PDE12: variants seen among roughly 807,000 people sequenced by gnomAD.
The protein encoded by PDE12 is 2',5'-phosphodiesterase 12.
Under a neutral mutation model 45.4 loss-of-function variants are expected in PDE12, and 26 were observed. The ratio of observed to expected loss-of-function variants is 0.57; its 90% CI spans 0.42 to 0.79. PDE12 has a LOEUF of 0.79. Among genes scored for constraint, PDE12 ranks in the 30% least tolerant of loss-of-function variants. The probability of loss-of-function intolerance (pLI) is 0.00; values close to 1 mark genes in which losing one functional copy is unlikely to be tolerated. For missense variants in PDE12, 668 were observed against 790.0 expected (o/e 0.85, Z 1.85); for synonymous variants, 283 against 323.9 (o/e 0.87, Z 1.36).
rs572708162 is a variant in PDE12, at chr3:57,564,544, T to A, written c.*4540T>A. ...ACTTTTTTTTTAGTGTATTGAAGTA[T>A]TCCTAGGTTGCATTTGTGCTAGTTT... On this transcript the variant is annotated 3_prime_UTR_variant, in exon 3 of 3. Coordinates refer to ENST00000311180, the MANE Select transcript of PDE12 (RefSeq NM_177966.7). 4 of 152,314 alleles carry A rather than the reference T, an allele frequency of 2.6e-5. No individual in the cohort carries two copies. The highest frequency in any genetic ancestry group is 4.4e-5 in the Non-Finnish European group (3 of 68,016). The allele number at this position is 152,314 out of a possible 1,614,324, so 9.4% of individuals were successfully genotyped here.
chr3:57,614,820 C>T, the PDE12 span, among the ~76,000 whole-genome samples: 2 of 151,412 alleles, frequency 1.3e-5, no homozygotes, highest in Admixed American at 1.3e-4. Flanking sequence ...TGATGAAAAC[C>T]CGTCTCTACG....
chr3:57,596,991 G>A, the PDE12 span: 4 of 1,496,578 alleles, frequency 2.7e-6, no homozygotes, highest in South Asian at 2.3e-5. Flanking sequence ...GCGGGCGGAG[G>A]AAAAAAACAG....
the PDE12 span, chr3:57,634,781 A>G: frequency 6.5e-7 from 1 of 1,537,344 alleles, no homozygotes; most frequent in Non-Finnish European, 8.7e-7. Context: ...TGAAGGAAGC[A>G]GCATAAAGAT....
At chr3:57,590,439 T>C in the PDE12 span, among the ~76,000 whole-genome samples, 1 of 151,900 alleles carries the variant, frequency 6.6e-6, no homozygotes, top group African/African-American at 2.4e-5. Context: ...TGAGCCGAGA[T>C]TGCGCCACTG....
the PDE12 span, among the ~76,000 whole-genome samples, chr3:57,604,680 G>A: frequency 8.2e-4 from 122 of 149,436 alleles, no homozygotes; most frequent in Non-Finnish European, 1.6e-3. Flanking sequence ...TGGTATGATC[G>A]TGGCTCACTG....
the PDE12 span, among the ~76,000 whole-genome samples, chr3:57,642,013 G>A: frequency 0.39 from 58,687 of 151,958 alleles, 12,666 homozygotes; most frequent in South Asian, 0.56. Context: ...AGTGAAGGTG[G>A]TTTAAAATGC....
At chr3:57,594,739 A>C in the PDE12 span, among the ~76,000 whole-genome samples, 1 of 152,244 alleles carries the variant, frequency 6.6e-6, no homozygotes, top group South Asian at 2.1e-4. Context: ...CTTTATAAAG[A>C]AAAACGAAGC....
the PDE12 span, among the ~76,000 whole-genome samples, chr3:57,599,367 T>G: frequency 1.3e-5 from 2 of 152,236 alleles, no homozygotes; most frequent in African/African-American, 2.4e-5. Flanking sequence ...CTTTTCTCTT[T>G]AGCTTAGTGA....
chr3:57,586,442 C>A, the PDE12 span, among the ~76,000 whole-genome samples: 1 of 152,210 alleles, frequency 6.6e-6, no homozygotes, highest in African/African-American at 2.4e-5. Flanking sequence ...AGGCTACAGG[C>A]AATTCTGATT....
chr3:57,561,781 T>G lies in PDE12; in HGVS notation c.*1777T>G, dbSNP rs1003743142. On this transcript the variant is annotated 3_prime_UTR_variant, in exon 3 of 3. Transcript: ENST00000311180. Reference sequence around the variant, plus strand: ...TTTTGATAACATCTGTACTTTCATATTCTGCTCACTATCAAATGTATTGTT... The same window carrying G: ...TTTTGATAACATCTGTACTTTCATAGTCTGCTCACTATCAAATGTATTGTT... The G allele has an allele frequency of 8.1e-6, 8 of 983,682 alleles. No homozygotes were observed. The African/African-American group carries it at 1.2e-4, about 15-fold the overall frequency. The allele number at this position is 983,682 out of a possible 1,614,324, so 60.9% of individuals were successfully genotyped here. A position where few individuals can be genotyped will look rare whatever the true frequency, so the allele number is the denominator to read the frequency against.
chr3:57,560,858 C>T lies in PDE12; in HGVS notation c.*854C>T. The T allele has an allele frequency of 1.0e-6, 1 of 985,334 alleles. No homozygotes were observed. Among genetic ancestry groups the T allele is most frequent in the Non-Finnish European group, 1.2e-6 (1 of 829,504 alleles). 61.0% of individuals were successfully genotyped at this position (985,334 alleles called of 1,614,324 possible). On this transcript the variant is annotated 3_prime_UTR_variant, in exon 3 of 3. Transcript: ENST00000311180. ...TGGAAGGAGTAACATTAGGGTCTAC[C>T]TCTACCTCAATTTAGTTAGCGATTT...
chr3:57,558,488 C>CTATTATTATTAT (rs10662542), intron 1 of PDE12, among the ~76,000 whole-genome samples: 45 of 151,272 alleles, frequency 3.0e-4, no homozygotes, highest in African/African-American at 1.1e-3. Context: ...ATATATTGGA[C>CTATTATTATTAT]TATTATTATT....
At chr3:57,609,482 G>A in the PDE12 span, among the ~76,000 whole-genome samples, 1 of 152,230 alleles carries the variant, frequency 6.6e-6, no homozygotes, top group Non-Finnish European at 1.5e-5. Context: ...AAAATTGATA[G>A]ACTGCAAGCA....
In PDE12 at chr3:57,560,345, G is replaced by C; in HGVS notation, c.*341G>C. 1 of 1,025,890 alleles carries C rather than the reference G, an allele frequency of 9.7e-7. No homozygotes were observed. The highest frequency in any genetic ancestry group is 1.2e-6 in the Non-Finnish European group (1 of 842,430). 63.5% of individuals were successfully genotyped at this position (1,025,890 alleles called of 1,614,324 possible). On this transcript the variant is annotated 3_prime_UTR_variant, in exon 3 of 3. Transcript: ENST00000311180. ...TTTGTTTTTGTTTTTGTTTTTTTGA[G>C]ATGGAGTTTCACTCTTGTTGCCCAG...
At chr3:57,593,449 C>T in the PDE12 span, among the ~76,000 whole-genome samples, 2 of 152,126 alleles carry the variant, frequency 1.3e-5, no homozygotes, top group South Asian at 2.1e-4. Flanking sequence ...TTTAAAGTGA[C>T]AAATATAGGA....
rs1414311996 is a variant in PDE12, at chr3:57,559,935, C to A, written c.1761C>A (p.His587Gln). ...PLPSHEEVTT[H>Q]QALPSVSHPS... ...CTAGTCATGAAGAAGTTACCACCCACCAGGCCTTACCTAGTGTTTCCCATC... is the reference window on the plus strand; with the variant it reads ...CTAGTCATGAAGAAGTTACCACCCAACAGGCCTTACCTAGTGTTTCCCATC... Residue 587 changes from histidine (H) to glutamine (Q), a missense_variant, in exon 3 of 3, where the codon CAC becomes CAA. His to Gln is a conservative substitution (Grantham distance 24). Transcript: ENST00000311180. 2 of 1,613,560 alleles carry A rather than the reference C, an allele frequency of 1.2e-6. No individual in the cohort carries two copies.
chr3:57,634,432 C>T, the PDE12 span: 3 of 333,862 alleles, frequency 9.0e-6, no homozygotes, highest in Non-Finnish European at 1.4e-5. Flanking sequence ...GACTCTGTCT[C>T]CCAAAAAAAA....
At chr3:57,596,830 AG>A in the PDE12 span, 2 of 507,184 alleles carry the variant, frequency 3.9e-6, no homozygotes, top group Non-Finnish European at 7.1e-6. Flanking sequence ...AAGGAGAAAA[AG>A]CCGAGTCCAG....
the PDE12 span, among the ~76,000 whole-genome samples, chr3:57,652,054 T>C: frequency 2.6e-5 from 4 of 151,894 alleles, no homozygotes; most frequent in African/African-American, 9.7e-5. Context: ...AAAATAAAAA[T>C]AAAAATAAAT....
Sources: gnomAD v4.1 joint callset for allele counts (sites outside exome capture counted in the v4.1 genomes callset) on GRCh38, gnomAD v4.1.1 for gene constraint, MANE v1.5 for transcripts, NCBI Gene and HGNC (gene_info 2026-07-23, HGNC 2026-07-21) for gene names.